Variants in PDCD6 observed in about 807,000 individuals in gnomAD.
PDCD6 encodes programmed cell death 6, also known as programmed cell death protein 6.
In PDCD6, 12 loss-of-function variants were observed where a neutral mutation model predicts 28.3. The ratio of observed to expected loss-of-function variants is 0.42; its 90% CI spans 0.27 to 0.69. The LOEUF is 0.69. PDCD6 is among the 30% of genes least tolerant of loss of function. PDCD6 has a pLI of 0.22. For missense variants in PDCD6, 226 were observed against 269.9 expected, an observed-to-expected ratio of 0.84 and a Z score of 1.14; for synonymous variants, 92 against 108.0, an observed-to-expected ratio of 0.85 and a Z score of 0.92.
intron 2 of PDCD6, among the ~76,000 whole-genome samples, chr5:283,917 C>T (rs1738760850): frequency 6.6e-6 from 1 of 151,790 alleles, no homozygotes; most frequent in African/African-American, 2.4e-5. Context: ...GGTCATGCAG[C>T]TGAAGAGCCA....
At chr5:306,831 C>A in intron 4 of PDCD6, 71 bp downstream of exon 4, 7 of 1,464,906 alleles carry the variant, frequency 4.8e-6, no homozygotes. Context: ...GTTCTTTAAA[C>A]CTTGTTGGAC....
At chr5:297,389 T>A (rs1274268425) in intron 2 of PDCD6, among the ~76,000 whole-genome samples, 1 of 152,274 alleles carries the variant, frequency 6.6e-6, no homozygotes, top group Non-Finnish European at 1.5e-5. Flanking sequence ...CTCTTGTAAA[T>A]GAGACTCTCA....
intron 2 of PDCD6, among the ~76,000 whole-genome samples, chr5:286,749 G>T (rs1196124768): frequency 6.6e-6 from 1 of 152,130 alleles, no homozygotes; most frequent in Non-Finnish European, 1.5e-5. Flanking sequence ...TGGAGACCTG[G>T]GGAGGAGCTG....
chr5:295,104 G>C (rs1314358109), intron 2 of PDCD6, among the ~76,000 whole-genome samples: 1 of 152,104 alleles, frequency 6.6e-6, no homozygotes, highest in Admixed American at 6.5e-5. Context: ...GGGCTGTACA[G>C]CAAACACTAG....
chr5:308,681 G>C (rs1227704409), intron 4 of PDCD6: 2 of 152,218 alleles, frequency 1.3e-5, no homozygotes, highest in Non-Finnish European at 2.9e-5. Flanking sequence ...CTTGGCCCCT[G>C]TGAACAAGTG....
At chr5:302,191 C>CTGTGTGTG (rs70955230) in intron 2 of PDCD6, among the ~76,000 whole-genome samples, 36 of 88,070 alleles carry the variant, frequency 4.1e-4, no homozygotes, top group South Asian at 1.0e-3. Context: ...TGGAGTGCTG[C>CTGTGTGTG]TGTGTGTGTG....
chr5:296,985 G>A (rs529005336), intron 2 of PDCD6, among the ~76,000 whole-genome samples: 8 of 152,310 alleles, frequency 5.3e-5, no homozygotes, highest in African/African-American at 1.9e-4. Flanking sequence ...CACGCACACC[G>A]TGCTGGTCTG....
chr5:298,725 C>T (rs1338656508), intron 2 of PDCD6, among the ~76,000 whole-genome samples: 1 of 52,316 alleles, frequency 1.9e-5, no homozygotes, highest in Non-Finnish European at 5.4e-5. Flanking sequence ...CAGCTGCTCC[C>T]ACCCAGCTGC....
chr5:291,373 C>G (rs180752341), intron 2 of PDCD6, among the ~76,000 whole-genome samples: 2 of 152,106 alleles, frequency 1.3e-5, no homozygotes, highest in Admixed American at 6.5e-5. Context: ...TCCATTCTCT[C>G]CCTGAGACCC....
chr5:277,930 AG>A (rs1380094893), intron 2 of PDCD6, among the ~76,000 whole-genome samples: 119 of 150,926 alleles, frequency 7.9e-4, no homozygotes, highest in African/African-American at 2.7e-3. Context: ...AAAAAAAAAA[AG>A]AATAGAATAA....
At position 307,229 on chromosome 5, in the gene PDCD6, C is replaced by T. The variant is rs940033915; in HGVS notation, c.367+469C>T. ...CGTGCCCATTCTCAGGTGTGCTCGG[C>T]GTGTGTGTGCTCGGCGTGTGTGTGC... On this transcript the variant is annotated intron_variant, in intron 4 of 5. Transcript: ENST00000264933. This position sits in a 1 kb window ranked among gnomAD's most constrained non-coding sequence, Gnocchi z 6.1. 4.2e-5 allele frequency among the ~76,000 whole-genome samples: 5 copies of T among 117,964 alleles called. No homozygotes were observed. Among genetic ancestry groups the T allele is most frequent in the African/African-American group, 2.5e-4 (5 of 19,764 alleles). The allele number at this position is 117,964 out of a possible 152,430, so 77.4% of individuals were successfully genotyped here.
chr5:285,364 G>A (rs28463544), intron 2 of PDCD6, among the ~76,000 whole-genome samples: 36,516 of 150,440 alleles, frequency 0.24, 6,845 homozygotes, highest in African/African-American at 0.53. Flanking sequence ...AGGGCTGTGC[G>A]CCTGGAGCCC....
At chr5:312,442 A>G (rs1740982620) in intron 5 of PDCD6, 2 of 152,226 alleles carry the variant, frequency 1.3e-5, no homozygotes, top group South Asian at 2.1e-4. Flanking sequence ...TTTATTCTGT[A>G]TAATAATTAA....
intron 1 of PDCD6, 108 bp from the exon 2 acceptor site, chr5:272,603 G>C (rs1737902581): frequency 7.0e-7 from 1 of 1,420,266 alleles, no homozygotes. Flanking sequence ...AGAGGCGGAG[G>C]TTCCAGGAGG....
intron 2 of PDCD6, chr5:276,437 T>C (rs1228570285): frequency 1.0e-6 from 1 of 987,690 alleles, no homozygotes; most frequent in East Asian, 1.1e-4. Context: ...TAAACACATA[T>C]CCTCTTCCTT....
chr5:306,505 G>C (rs1740495161), intron 3 of PDCD6, 97 bp from the exon 4 acceptor site: 1 of 1,329,394 alleles, frequency 7.5e-7, no homozygotes, highest in South Asian at 1.2e-5. Flanking sequence ...CAGCAGTGGG[G>C]CCCCGCCAGG....
chr5:305,194 TTC>T lies in PDCD6; in HGVS notation c.208+974_208+975del, dbSNP rs1390382066. ...CCCTTTGCTGGGAGGTGCAGCCCCC[TTC>T]AGACCTCTTTAATATGGAATCCCAG... On this transcript the variant is annotated intron_variant, in intron 3 of 5. Coordinates refer to ENST00000264933, the MANE Select transcript of PDCD6 (RefSeq NM_013232.4). The surrounding 1 kb of genome is among the most constrained non-coding windows in gnomAD (Gnocchi z 4.0). 11 of 152,384 alleles carry T rather than the reference TTC, an allele frequency of 7.2e-5. No homozygotes were observed. The highest frequency in any genetic ancestry group is 1.2e-4 in the Non-Finnish European group (8 of 68,180). The allele number at this position is 152,384 out of a possible 1,614,324, so 9.4% of individuals were successfully genotyped here. A position where few individuals can be genotyped will look rare whatever the true frequency, so the allele number is the denominator to read the frequency against.
Position 307,241 on chromosome 5 carries a change from C to T in PDCD6, c.367+481C>T, listed in dbSNP as rs144662686. Among the ~76,000 whole-genome samples the T allele has an allele frequency of 0.015, 1,778 of 118,914 alleles. 25 individuals carry two copies. Among genetic ancestry groups the T allele is most frequent in the Middle Eastern group, 0.02 (4 of 200 alleles). 78.0% of individuals were successfully genotyped at this position (118,914 alleles called of 152,430 possible). A position where few individuals can be genotyped will look rare whatever the true frequency, so the allele number is the denominator to read the frequency against. ...CAGGTGTGCTCGGCGTGTGTGTGCT[C>T]GGCGTGTGTGTGCTCGGCGTGTGTG... On this transcript the variant is annotated intron_variant, in intron 4 of 5. Coordinates refer to ENST00000264933, the MANE Select transcript of PDCD6 (RefSeq NM_013232.4). The surrounding 1 kb of genome is among the most constrained non-coding windows in gnomAD (Gnocchi z 6.1).
chr5:284,686 C>T (rs944618072), intron 2 of PDCD6, among the ~76,000 whole-genome samples: 7 of 93,290 alleles, frequency 7.5e-5, no homozygotes, highest in African/African-American at 2.0e-4. Flanking sequence ...GTTTGAGGTC[C>T]ATGCAGCTGG....
Sources: gnomAD v4.1 joint callset for allele counts (sites outside exome capture counted in the v4.1 genomes callset) on GRCh38, gnomAD v4.1.1 for gene constraint, Gnocchi (gnomAD v3.1) non-coding constraint, MANE v1.5 for transcripts, NCBI Gene and HGNC (gene_info 2026-07-23, HGNC 2026-07-21) for gene names.